The following COL27A1 variants were observed in gnomAD, a reference collection of about 807,000 sequenced individuals.
COL27A1 encodes the protein collagen alpha-1(XXVII) chain.
In COL27A1, 106 loss-of-function variants were observed where a neutral mutation model predicts 251.3. That is an observed-to-expected ratio of 0.42 (90% CI 0.36 to 0.50). The LOEUF is 0.50. Ranked by LOEUF, COL27A1 falls within the 20% of genes least tolerant of loss-of-function variation. The pLI is 0.00. For missense variants in COL27A1, 2,325 were observed against 2,522.8 expected, an observed-to-expected ratio of 0.92 and a Z score of 1.68; for synonymous variants, 1,000 against 986.3, an observed-to-expected ratio of 1.01 and a Z score of -0.26.
At chr9:114,248,130 G>T (rs571156895) in intron 24 of COL27A1, among the ~76,000 whole-genome samples, 81 of 152,288 alleles carry the variant, frequency 5.3e-4, no homozygotes, top group African/African-American at 1.9e-3. Context: ...TTGACCCTGA[G>T]GTCTGCTGGG....
intron 1 of COL27A1, among the ~76,000 whole-genome samples, chr9:114,157,841 C>A (rs7038752): frequency 0.37 from 55,905 of 151,780 alleles, 11,099 homozygotes; most frequent in South Asian, 0.5. Flanking sequence ...TCCACAAAAC[C>A]GGCACCTTAT....
At chr9:114,240,349 C>A in intron 20 of COL27A1, 76 bp downstream of exon 20, 1 of 1,585,878 alleles carries the variant, frequency 6.3e-7, no homozygotes, top group Non-Finnish European at 8.6e-7. Context: ...GGCTGCCTGG[C>A]TTGGAAGCAG....
chr9:114,264,454 G>A (rs374604488), intron 29 of COL27A1, 46 bp downstream of exon 29: 7 of 1,429,288 alleles, frequency 4.9e-6, no homozygotes, highest in Admixed American at 2.2e-5. Flanking sequence ...CCGACACTGG[G>A]TCAGGAATCG....
intron 56 of COL27A1, among the ~76,000 whole-genome samples, chr9:114,303,063 G>T (rs1226172111): frequency 6.6e-6 from 1 of 152,136 alleles, no homozygotes; most frequent in Admixed American, 6.6e-5. Flanking sequence ...CTCCTCTGCA[G>T]CCTTCCCTTG....
Position 114,167,869 on chromosome 9 carries a change from G to C in COL27A1, c.314G>C (p.Cys105Ser), listed in dbSNP as rs763574320. The change falls in exon 3 of 61, where the codon TGC becomes TCC. Residue 105 changes from cysteine to serine, a missense_variant. Physicochemically the swap from Cys to Ser is moderately radical, Grantham distance 112. Transcript: ENST00000356083. ...GTELALVLSL[C>S]SHRVNHAFLF... is the part of the protein sequence containing the mutation. Reference sequence around the variant, plus strand: ...GAGCTGGCACTGGTGCTGAGCCTCTGCTCCCACCGGGTGAACCATGCCTTC... The same window carrying C: ...GAGCTGGCACTGGTGCTGAGCCTCTCCTCCCACCGGGTGAACCATGCCTTC... 6.2e-7 allele frequency: 1 copy of C among 1,613,460 alleles called. No homozygotes were observed. Among genetic ancestry groups the C allele is most frequent in the South Asian group, 1.1e-5 (1 of 91,078 alleles).
intron 56 of COL27A1, 40 bp from the exon 57 acceptor site, chr9:114,304,568 T>TG (rs769365618): frequency 6.8e-6 from 11 of 1,606,300 alleles, no homozygotes; most frequent in African/African-American, 2.7e-5. Flanking sequence ...TGGAGAACCC[T>TG]GGGGGGCCAC....
chr9:114,187,795 A>C (rs1265681903), intron 5 of COL27A1, among the ~76,000 whole-genome samples: 1 of 152,120 alleles, frequency 6.6e-6, no homozygotes, highest in Non-Finnish European at 1.5e-5. Flanking sequence ...TATATAACTT[A>C]CTCCATTAGT....
chr9:114,240,398 G>A (rs763068621), intron 20 of COL27A1, 36 bp from the exon 21 acceptor site: 6 of 1,609,620 alleles, frequency 3.7e-6, no homozygotes, highest in South Asian at 2.2e-5. Context: ...TGGAGGTACC[G>A]CCTCTGAGAC....
At chr9:114,276,945 G>A (rs965025140) in intron 37 of COL27A1, among the ~76,000 whole-genome samples, 3 of 152,194 alleles carry the variant, frequency 2.0e-5, no homozygotes, top group Non-Finnish European at 2.9e-5. Flanking sequence ...TGGGAAAATC[G>A]GAGAGGTAAA....
chr9:114,159,125 G>A (rs1164632294), intron 1 of COL27A1, among the ~76,000 whole-genome samples: 1 of 152,202 alleles, frequency 6.6e-6, no homozygotes, highest in Non-Finnish European at 1.5e-5. Flanking sequence ...GAGAATGAAT[G>A]GAGGTTGAAT....
intron 27 of COL27A1, among the ~76,000 whole-genome samples, chr9:114,254,690 C>G (rs572714244): frequency 6.5e-4 from 99 of 152,124 alleles, no homozygotes; most frequent in Non-Finnish European, 1.3e-3. Context: ...TGGTTTGAAC[C>G]CAGGGGAAGC....
Position 114,205,063 on chromosome 9 carries a change from G to A in COL27A1, c.2125-39G>A, listed in dbSNP as rs764515021. 5.6e-6 allele frequency: 9 copies of A among 1,609,102 alleles called. No homozygotes were observed. The East Asian group carries it at 1.6e-4, about 28-fold the overall frequency. On this transcript the variant is annotated intron_variant, in intron 7 of 60. Transcript: ENST00000356083. ...CCTTGCGATCTCCAGGACCAGATGT[G>A]TCCTCCCTGCCTGATGCAGCTTCTT...
chr9:114,292,987 T>G (rs1364692913), intron 49 of COL27A1, among the ~76,000 whole-genome samples: 1 of 152,130 alleles, frequency 6.6e-6, no homozygotes. Flanking sequence ...ATAGACAAAT[T>G]CACAATTATA....
intron 7 of COL27A1, among the ~76,000 whole-genome samples, chr9:114,200,208 C>T (rs1049426243): frequency 6.6e-6 from 1 of 152,190 alleles, no homozygotes; most frequent in Admixed American, 6.5e-5. Context: ...TCTCAAGAAA[C>T]TTCTCCAGGC....
chr9:114,212,795 G>A (rs1001524982), intron 12 of COL27A1, among the ~76,000 whole-genome samples: 1 of 152,230 alleles, frequency 6.6e-6, no homozygotes, highest in Non-Finnish European at 1.5e-5. Context: ...GAGCCGCCCG[G>A]AATAAGGTTT....
chr9:114,275,055 T>G (rs969373118), intron 36 of COL27A1, among the ~76,000 whole-genome samples: 4 of 137,288 alleles, frequency 2.9e-5, no homozygotes, highest in African/African-American at 1.0e-4. Flanking sequence ...CTCCAACTGC[T>G]GGGCTCAAGC....
At position 114,308,854 on chromosome 9, in the gene COL27A1, T is replaced by C. The variant is rs532869384; in HGVS notation, c.5218-406T>C. Reference sequence around the variant, plus strand: ...AGCACCCCATCGCACCTCACAGGGATCTTGGGACTTAGGAAGGGTCTCGAA... The same window carrying C: ...AGCACCCCATCGCACCTCACAGGGACCTTGGGACTTAGGAAGGGTCTCGAA... On this transcript the variant is annotated intron_variant, in intron 59 of 60. Transcript: ENST00000356083. 2.1e-4 allele frequency among the ~76,000 whole-genome samples: 32 copies of C among 152,272 alleles called. 1 individual carries two copies. In the South Asian group the frequency reaches 6.6e-3, roughly 32 times the overall value.
intron 12 of COL27A1, among the ~76,000 whole-genome samples, chr9:114,216,364 A>T (rs998561932): frequency 6.6e-6 from 1 of 152,238 alleles, no homozygotes; most frequent in Non-Finnish European, 1.5e-5. Context: ...CAGGCTGGGC[A>T]TGCATGCCAT....
intron 3 of COL27A1, among the ~76,000 whole-genome samples, chr9:114,173,500 A>T (rs550869980): frequency 6.7e-6 from 1 of 150,342 alleles, no homozygotes; most frequent in East Asian, 1.9e-4. Flanking sequence ...ATTTGGGACA[A>T]CCTGGATTTG....
Sources: gnomAD v4.1 joint callset for allele counts (sites outside exome capture counted in the v4.1 genomes callset) on GRCh38, gnomAD v4.1.1 for gene constraint, MANE v1.5 for transcripts, NCBI Gene and HGNC (gene_info 2026-07-23, HGNC 2026-07-21) for gene names.